The following PLXNA4 variants were observed in gnomAD, a reference collection of about 807,000 sequenced individuals.
PLXNA4 encodes plexin A4, also known as plexin-A4.
A neutral mutation model predicts 191.8 loss-of-function variants in PLXNA4; 44 were observed. That is an observed-to-expected ratio of 0.23 (90% CI 0.18 to 0.29). The LOEUF is 0.29. Ranked by LOEUF, PLXNA4 falls within the 10% of genes least tolerant of loss-of-function variation. The pLI is 1.00. For missense variants in PLXNA4, 1,800 were observed against 2,488.8 expected (o/e 0.72, Z 5.89); for synonymous variants, 1,082 against 1,009.5 (o/e 1.07, Z -1.36).
At chr7:132,510,591 C>A (rs1323648393) in intron 1 of PLXNA4, among the ~76,000 whole-genome samples, 1 of 152,176 alleles carries the variant, frequency 6.6e-6, no homozygotes, top group East Asian at 1.9e-4. Context: ...ATACGCACGA[C>A]AAAAAGTCAC....
chr7:132,455,801 G>A (rs1796293131), intron 3 of PLXNA4, among the ~76,000 whole-genome samples: 1 of 152,172 alleles, frequency 6.6e-6, no homozygotes, highest in Non-Finnish European at 1.5e-5. Flanking sequence ...GAGGGTGTGG[G>A]TGCCTGGCTC....
At chr7:132,564,328 CCTT>C (rs1459623728) in intron 1 of PLXNA4, among the ~76,000 whole-genome samples, 2 of 145,092 alleles carry the variant, frequency 1.4e-5, no homozygotes, top group Non-Finnish European at 3.0e-5. Context: ...TCCTCCTTCT[CCTT>C]CTGCTGCTCC....
rs539113968 is a variant in PLXNA4 at position 132,252,768 on chromosome 7, G to A, written c.1504-11602C>T. Among the ~76,000 whole-genome samples the A allele has an allele frequency of 2.0e-5, 3 of 152,142 alleles. No individual in the cohort carries two copies. In the South Asian group the frequency reaches 6.2e-4, roughly 32 times the overall value. On this transcript the variant is annotated intron_variant, in intron 4 of 31. Coordinates refer to ENST00000321063, the MANE Select transcript of PLXNA4 (RefSeq NM_020911.2). The stretch of plus-strand genomic sequence containing the variant: ...AGCACCTAGACACCGGTGGTTGGCT[G>A]TGGATATTCACTGTGGCTTTGTATG...
intron 3 of PLXNA4, among the ~76,000 whole-genome samples, chr7:132,341,357 G>A (rs1448577213): frequency 6.6e-6 from 1 of 152,108 alleles, no homozygotes; most frequent in Non-Finnish European, 1.5e-5. Flanking sequence ...AGAAAAAAAG[G>A]CCGGCAATTA....
intron 1 of PLXNA4, among the ~76,000 whole-genome samples, chr7:132,533,167 A>T (rs1392785331): frequency 6.6e-6 from 1 of 152,242 alleles, no homozygotes; most frequent in Non-Finnish European, 1.5e-5. Flanking sequence ...GCAGCTAAGG[A>T]AACCCCATTA....
At chr7:132,388,286 T>C (rs367623998) in intron 3 of PLXNA4, among the ~76,000 whole-genome samples, 3 of 152,072 alleles carry the variant, frequency 2.0e-5, no homozygotes, top group East Asian at 3.9e-4. Flanking sequence ...ATAGGAGTTC[T>C]CTCCCCTTCT....
chr7:132,436,775 A>T (rs995800237), intron 3 of PLXNA4, among the ~76,000 whole-genome samples: 1 of 152,188 alleles, frequency 6.6e-6, no homozygotes, highest in Non-Finnish European at 1.5e-5. Context: ...AAGCTGAAAG[A>T]TGTTTGCCGC....
intron 3 of PLXNA4, 63 bp downstream of exon 3, chr7:132,489,229 C>A: frequency 6.8e-7 from 1 of 1,480,142 alleles, no homozygotes; most frequent in Non-Finnish European, 9.2e-7. Context: ...TGTAAGATAA[C>A]ATCCAGCCCA....
At chr7:132,270,206 C>T (rs765582411) in intron 4 of PLXNA4, among the ~76,000 whole-genome samples, 28 of 152,172 alleles carry the variant, frequency 1.8e-4, no homozygotes, top group Non-Finnish European at 3.1e-4. Context: ...AGAGCTGCCA[C>T]ATGTGAATTT....
intron 3 of PLXNA4, chr7:132,384,056 T>C (rs1469561793): frequency 3.0e-6 from 3 of 985,350 alleles, no homozygotes; most frequent in Non-Finnish European, 3.6e-6. Context: ...AGGGGTTGCC[T>C]GCTCTCACTA....
Position 132,599,182 on chromosome 7 carries a change from C to A in PLXNA4, c.-87+46746G>T, listed in dbSNP as rs545194096. 1.2e-3 allele frequency among the ~76,000 whole-genome samples: 180 copies of A among 152,162 alleles called. 1 individual carries two copies. Among genetic ancestry groups the A allele is most frequent in the Non-Finnish European group, 2.0e-3 (135 of 68,010 alleles). Reference sequence around the variant, plus strand: ...GTCTTAAAGTCTGGAAGGGTAGGTCCCCCTACTCACTCCTCCTATGATCTT... The same window carrying A: ...GTCTTAAAGTCTGGAAGGGTAGGTCACCCTACTCACTCCTCCTATGATCTT... On this transcript the variant is annotated intron_variant, in intron 2 of 4. Coordinates refer to the PLXNA4 transcript ENST00000378539.
At chr7:132,321,157 G>A (rs62465035) in intron 3 of PLXNA4, among the ~76,000 whole-genome samples, 13,203 of 152,060 alleles carry the variant, frequency 0.087, 777 homozygotes, top group Admixed American at 0.2. Context: ...ACCCCCTCGC[G>A]CTTACTTGCA....
At chr7:132,411,013 T>C (rs182325601) in intron 3 of PLXNA4, among the ~76,000 whole-genome samples, 1 of 152,300 alleles carries the variant, frequency 6.6e-6, no homozygotes, top group African/African-American at 2.4e-5. Context: ...CGTTTGCCCA[T>C]GACATGATCC....
Position 132,181,579 on chromosome 7 carries a change from C to A in PLXNA4, c.3294G>T (p.Ala1098=), listed in dbSNP as rs201843424. 1.8e-4 allele frequency: 287 copies of A among 1,614,020 alleles called. No individual in the cohort carries two copies. Among genetic ancestry groups the A allele is most frequent in the Non-Finnish European group, 2.3e-4 (267 of 1,180,042 alleles). ...GGTCAGGACCCAGAGCGAGGGCGGG[C>A]GCCTGACAGGTCATCTCAGTAGCGT... ...VLNATEMTCQ[A]PALALGPDHQ... is the part of the protein sequence containing the mutation. Residue 1098 remains alanine, a synonymous_variant, in exon 18 of 32, where the codon GCG becomes GCT. Coordinates refer to ENST00000321063, the MANE Select transcript of PLXNA4 (RefSeq NM_020911.2).
intron 2 of PLXNA4, among the ~76,000 whole-genome samples, chr7:132,585,660 T>C (rs991972694): frequency 6.6e-6 from 1 of 152,146 alleles, no homozygotes; most frequent in South Asian, 2.1e-4. Flanking sequence ...GTTCTGGAGG[T>C]TGGAAGTCTG....
chr7:132,295,583 G>T (rs1268325072), intron 4 of PLXNA4, among the ~76,000 whole-genome samples: 2 of 152,152 alleles, frequency 1.3e-5, no homozygotes, highest in Admixed American at 1.3e-4. Context: ...TTATCAAGCT[G>T]CTTTGCCCTG....
intron 3 of PLXNA4, among the ~76,000 whole-genome samples, chr7:132,467,095 C>T (rs932113611): frequency 1.3e-5 from 2 of 152,186 alleles, no homozygotes; most frequent in Non-Finnish European, 2.9e-5. Flanking sequence ...TGAGAAGTCA[C>T]TGGTGGGATG....
At chr7:132,309,235 C>T (rs1338887103) in intron 3 of PLXNA4, among the ~76,000 whole-genome samples, 1 of 152,188 alleles carries the variant, frequency 6.6e-6, no homozygotes, top group Non-Finnish European at 1.5e-5. Context: ...TGCCCATGGT[C>T]TGACCAAGCT....
At chr7:132,461,991 A>C (rs970859824) in intron 3 of PLXNA4, among the ~76,000 whole-genome samples, 1 of 152,222 alleles carries the variant, frequency 6.6e-6, no homozygotes, top group African/African-American at 2.4e-5. Flanking sequence ...AAGCTATTAA[A>C]GTTGTCCAAA....
Sources: allele counts gnomAD v4.1 joint callset (sites outside exome capture counted in the v4.1 genomes callset), GRCh38; gene constraint gnomAD v4.1.1; transcripts MANE v1.5; gene names NCBI Gene and HGNC (gene_info 2026-07-23, HGNC 2026-07-21).